The following AKR1C8 variants were observed in gnomAD, a reference collection of about 807,000 sequenced individuals.
AKR1C8 encodes the protein aldo-keto reductase family 1 member C-like protein 1.
chr10:5,167,257 C>T, the AKR1C8 span, among the ~76,000 whole-genome samples: 1 of 152,068 alleles, frequency 6.6e-6, no homozygotes, highest in Non-Finnish European at 1.5e-5. Context: ...CTAGAAATAC[C>T]ATTTGACCCA....
At chr10:5,163,061 A>C in the AKR1C8 span, 1 of 480,366 alleles carries the variant, frequency 2.1e-6, no homozygotes, top group Non-Finnish European at 4.4e-6. Flanking sequence ...TGCCCAACTC[A>C]AAGAAAATCA....
chr10:5,161,385 C>T, the AKR1C8 span, among the ~76,000 whole-genome samples: 3 of 152,288 alleles, frequency 2.0e-5, no homozygotes, highest in South Asian at 6.2e-4. Flanking sequence ...ATCAGCGGAG[C>T]CCAAAGGAGC....
chr10:5,119,838 T>C, the AKR1C8 span, among the ~76,000 whole-genome samples: 2 of 152,204 alleles, frequency 1.3e-5, no homozygotes, highest in Non-Finnish European at 1.5e-5. Flanking sequence ...TTTATAATTC[T>C]TTTCCCACTC....
the AKR1C8 span, among the ~76,000 whole-genome samples, chr10:5,128,480 G>A: frequency 3.3e-5 from 5 of 152,010 alleles, no homozygotes; most frequent in Non-Finnish European, 7.4e-5. Flanking sequence ...CCACTTAGAA[G>A]ACACAGAATG....
At chr10:5,148,156 A>C in the AKR1C8 span, among the ~76,000 whole-genome samples, 1 of 152,124 alleles carries the variant, frequency 6.6e-6, no homozygotes, top group African/African-American at 2.4e-5. Flanking sequence ...ATTGTATACA[A>C]TCTGGCTGAA....
chr10:5,177,013 T>C, the AKR1C8 span, among the ~76,000 whole-genome samples: 6 of 151,972 alleles, frequency 3.9e-5, no homozygotes, highest in Admixed American at 1.3e-4. Context: ...TCCAACACTA[T>C]GTTGAATAGG....
chr10:5,161,892 T>C, the AKR1C8 span: 4 of 534,528 alleles, frequency 7.5e-6, no homozygotes, highest in Admixed American at 7.8e-5. Flanking sequence ...TGAAGAGATC[T>C]ACATAGTCCG....
At chr10:5,164,500 T>C in the AKR1C8 span, among the ~76,000 whole-genome samples, 1 of 152,096 alleles carries the variant, frequency 6.6e-6, no homozygotes, top group Non-Finnish European at 1.5e-5. Context: ...GGGTTGGGAA[T>C]GGGATTTATG....
the AKR1C8 span, among the ~76,000 whole-genome samples, chr10:5,125,358 A>T: frequency 6.6e-6 from 1 of 152,126 alleles, no homozygotes; most frequent in Non-Finnish European, 1.5e-5. Context: ...GAATATCTTC[A>T]TTCCTATGCT....
At chr10:5,119,548 C>A in the AKR1C8 span, among the ~76,000 whole-genome samples, 3 of 152,054 alleles carry the variant, frequency 2.0e-5, no homozygotes, top group Admixed American at 2.0e-4. Context: ...TTTCTATTTT[C>A]TAAATATTTA....
the AKR1C8 span, among the ~76,000 whole-genome samples, chr10:5,116,478 C>T: frequency 6.6e-6 from 1 of 152,078 alleles, no homozygotes; most frequent in Non-Finnish European, 1.5e-5. Flanking sequence ...TGAATCCTGG[C>T]TATGAGAGAA....
chr10:5,146,104 A>T, the AKR1C8 span, among the ~76,000 whole-genome samples: 5 of 151,130 alleles, frequency 3.3e-5, no homozygotes, highest in Admixed American at 3.3e-4. Context: ...AAGAACAAAA[A>T]ACCAAACACC....
chr10:5,119,856 G>A, the AKR1C8 span, among the ~76,000 whole-genome samples: 1 of 152,180 alleles, frequency 6.6e-6, no homozygotes, highest in African/African-American at 2.4e-5. Flanking sequence ...CTCTGCGAAT[G>A]CAAGTGTTTT....
chr10:5,179,962 C>T, the AKR1C8 span, among the ~76,000 whole-genome samples: 1 of 152,192 alleles, frequency 6.6e-6, no homozygotes, highest in African/African-American at 2.4e-5. Context: ...CTGAAGCCTT[C>T]TTCTCTCAAC....
At chr10:5,160,963 C>T in the AKR1C8 span, 4 of 455,922 alleles carry the variant, frequency 8.8e-6, no homozygotes, top group African/African-American at 2.0e-5. Context: ...AGGAGCTCGG[C>T]CAAACAACCT....
At chr10:5,181,137 C>A in the AKR1C8 span, among the ~76,000 whole-genome samples, 4 of 152,210 alleles carry the variant, frequency 2.6e-5, no homozygotes, top group East Asian at 7.7e-4. Flanking sequence ...TGGCTGCCAC[C>A]CCAAGGTTTT....
the AKR1C8 span, among the ~76,000 whole-genome samples, chr10:5,160,544 C>T: frequency 6.6e-6 from 1 of 152,160 alleles, no homozygotes; most frequent in Non-Finnish European, 1.5e-5. Context: ...TCTATGCTGA[C>T]CCCTTATAGG....
chr10:5,133,503 A>G, the AKR1C8 span, among the ~76,000 whole-genome samples: 1 of 152,182 alleles, frequency 6.6e-6, no homozygotes, highest in Admixed American at 6.5e-5. Flanking sequence ...GTGATGTTGC[A>G]CAAAACACAC....
At chr10:5,119,559 TGTTA>T in the AKR1C8 span, among the ~76,000 whole-genome samples, 6 of 152,320 alleles carry the variant, frequency 3.9e-5, no homozygotes, top group Middle Eastern at 6.8e-3. Flanking sequence ...TAAATATTTA[TGTTA>T]TTTATGCACA....
Sources: gnomAD v4.1 joint callset for allele counts (sites outside exome capture counted in the v4.1 genomes callset) on GRCh38, gnomAD v4.1.1 for gene constraint, MANE v1.5 for transcripts, NCBI Gene and HGNC (gene_info 2026-07-23, HGNC 2026-07-21) for gene names.